Variants in AGPS observed in about 807,000 individuals in gnomAD.
AGPS encodes alkylglycerone phosphate synthase.
AGPS carries 26 observed loss-of-function variants against 90.7 expected under a neutral mutation model. The ratio of observed to expected loss-of-function variants is 0.29; its 90% confidence interval spans 0.21 to 0.40. AGPS has a LOEUF of 0.40. Among genes scored for constraint, AGPS ranks in the 10% least tolerant of loss-of-function variants. AGPS has a pLI of 1.00. For missense variants in AGPS, 540 were observed against 816.1 expected (o/e 0.66, Z 4.12); for synonymous variants, 294 against 285.3 (o/e 1.03, Z -0.31).
In AGPS at chr2:177,539,543, G is replaced by A. The variant is rs1009026875; in HGVS notation, c.*1348G>A. On this transcript the variant is annotated 3_prime_UTR_variant, in exon 20 of 20. Coordinates refer to ENST00000264167, the MANE Select transcript of AGPS (RefSeq NM_003659.4). ...TAAAACTAATATTTGATCAGATAAT[G>A]TAAGTCAAAATGCAGACGATCCTTT... The A allele has an allele frequency of 1.3e-5, 2 of 151,944 alleles. No individual in the cohort carries two copies. The highest frequency in any genetic ancestry group is 2.4e-5 in the African/African-American group (1 of 41,412). 9.4% of individuals were successfully genotyped at this position (151,944 alleles called of 1,614,324 possible).
chr2:177,417,501 A>G lies in AGPS; in HGVS notation c.261-2768A>G, dbSNP rs555457763. Among the ~76,000 whole-genome samples the G allele has an allele frequency of 2.6e-5, 4 of 152,374 alleles. No individual in the cohort carries two copies. The South Asian group carries it at 8.3e-4, about 32-fold the overall frequency. ...GTAACATGTAATAGTTTCTTGAAACAGTATTGATGTAAATCAAAAAATGAG... is the reference window on the plus strand; with the variant it reads ...GTAACATGTAATAGTTTCTTGAAACGGTATTGATGTAAATCAAAAAATGAG... On this transcript the variant is annotated intron_variant, in intron 1 of 19. Coordinates refer to ENST00000264167, the MANE Select transcript of AGPS (RefSeq NM_003659.4).
intron 14 of AGPS, among the ~76,000 whole-genome samples, chr2:177,501,500 G>A (rs986296564): frequency 6.6e-6 from 1 of 152,014 alleles, no homozygotes; most frequent in African/African-American, 2.4e-5. Flanking sequence ...CTAGATACTT[G>A]ATTTAATAAT....
chr2:177,477,343 C>A (rs564911916), intron 10 of AGPS, among the ~76,000 whole-genome samples: 1 of 152,158 alleles, frequency 6.6e-6, no homozygotes, highest in Non-Finnish European at 1.5e-5. Flanking sequence ...ATAAATGTTA[C>A]AAACCAACAA....
chr2:177,404,019 G>T lies in AGPS; in HGVS notation c.260+10970G>T, dbSNP rs1372286822. 2.0e-5 allele frequency among the ~76,000 whole-genome samples: 3 copies of T among 152,268 alleles called. No homozygotes were observed. In the East Asian group the frequency reaches 5.8e-4, roughly 29 times the overall value. On this transcript the variant is annotated intron_variant, in intron 1 of 19. Coordinates refer to ENST00000264167, the MANE Select transcript of AGPS (RefSeq NM_003659.4). ...GAATACATCATTCGCTGATCTCATT[G>T]GGCGTGGACAGAAATAAGGAACGAT...
intron 2 of AGPS, among the ~76,000 whole-genome samples, chr2:177,424,152 C>T: frequency 6.6e-6 from 1 of 152,114 alleles, no homozygotes; most frequent in East Asian, 1.9e-4. Flanking sequence ...ATGTTGTTCC[C>T]CTCCTTGTGT....
rs541250425 is a variant in AGPS at position 177,499,447 on chromosome 2, A to C, written c.1363-171A>C. 1.4e-3 allele frequency among the ~76,000 whole-genome samples: 210 copies of C among 152,058 alleles called. 1 individual carries two copies. Among genetic ancestry groups the C allele is most frequent in the African/African-American group, 4.8e-3 (200 of 41,556 alleles). ...AGCTTTGCTACGTTGTAATGACCTA[A>C]ATAGGTTTATTAAACATTCTTAGTG... On this transcript the variant is annotated intron_variant, in intron 13 of 19. Transcript: ENST00000264167.
At chr2:177,500,155 G>A (rs1688517431) in intron 14 of AGPS, among the ~76,000 whole-genome samples, 1 of 151,862 alleles carries the variant, frequency 6.6e-6, no homozygotes, top group African/African-American at 2.4e-5. Context: ...TTAATCGAAG[G>A]TATTTGATAA....
chr2:177,495,223 A>G (rs540226147), intron 12 of AGPS, among the ~76,000 whole-genome samples: 16 of 152,304 alleles, frequency 1.1e-4, no homozygotes, highest in African/African-American at 3.8e-4. Context: ...TTATCACGTA[A>G]TAGGCATTTA....
intron 1 of AGPS, among the ~76,000 whole-genome samples, chr2:177,413,087 A>G (rs1685669881): frequency 6.6e-6 from 1 of 152,206 alleles, no homozygotes; most frequent in Non-Finnish European, 1.5e-5. Flanking sequence ...CCAGAAGAGT[A>G]TGCAGTTGCA....
intron 9 of AGPS, among the ~76,000 whole-genome samples, chr2:177,468,043 A>G (rs989918012): frequency 2.0e-5 from 3 of 152,140 alleles, no homozygotes; most frequent in Non-Finnish European, 2.9e-5. Context: ...AGTGCCTGAC[A>G]TGAATAATAT....
At chr2:177,454,725 T>C (rs1687059786) in intron 8 of AGPS, among the ~76,000 whole-genome samples, 1 of 152,200 alleles carries the variant, frequency 6.6e-6, no homozygotes, top group Non-Finnish European at 1.5e-5. Flanking sequence ...GATGCACTTA[T>C]GTGGAAACAG....
chr2:177,436,733 A>G (rs1312723156), intron 3 of AGPS, 31 bp from the exon 4 acceptor site: 1 of 1,605,854 alleles, frequency 6.2e-7, no homozygotes, highest in Non-Finnish European at 8.5e-7. Flanking sequence ...TTGTCTAAAA[A>G]TAAGTCAAAG....
intron 14 of AGPS, among the ~76,000 whole-genome samples, chr2:177,502,759 T>C (rs540502331): frequency 7.9e-5 from 12 of 152,280 alleles, no homozygotes; most frequent in African/African-American, 2.4e-4. Flanking sequence ...CTTGGAAATA[T>C]CTTCTTTTGG....
intron 14 of AGPS, among the ~76,000 whole-genome samples, chr2:177,503,124 T>G (rs1688608885): frequency 6.6e-6 from 1 of 152,204 alleles, no homozygotes; most frequent in Non-Finnish European, 1.5e-5. Flanking sequence ...TTAGCCATTT[T>G]TTCTCTTTGC....
intron 10 of AGPS, among the ~76,000 whole-genome samples, chr2:177,481,399 T>G (rs2105692713): frequency 6.6e-6 from 1 of 152,028 alleles, no homozygotes; most frequent in South Asian, 2.1e-4. Flanking sequence ...TGTTTTTTTG[T>G]TTTTTAATTT....
At chr2:177,440,798 A>G (rs1315142740) in intron 5 of AGPS, among the ~76,000 whole-genome samples, 167 bp from the exon 6 acceptor site, 1 of 152,184 alleles carries the variant, frequency 6.6e-6, no homozygotes, top group African/African-American at 2.4e-5. Flanking sequence ...TTTCAAAATG[A>G]AAAGTTAAAA....
intron 1 of AGPS, among the ~76,000 whole-genome samples, chr2:177,412,786 G>A (rs923835088): frequency 2.6e-5 from 4 of 152,154 alleles, no homozygotes; most frequent in Non-Finnish European, 4.4e-5. Context: ...GCCATGTGGT[G>A]AGTGTTATAG....
chr2:177,433,245 A>G (rs1271269567), intron 2 of AGPS, among the ~76,000 whole-genome samples: 1 of 152,266 alleles, frequency 6.6e-6, no homozygotes, highest in Admixed American at 6.5e-5. Context: ...ACTGGCTTTC[A>G]AAATGGAGGA....
intron 11 of AGPS, among the ~76,000 whole-genome samples, chr2:177,490,543 C>G (rs1688222746): frequency 2.0e-5 from 3 of 152,142 alleles, no homozygotes; most frequent in Admixed American, 2.0e-4. Flanking sequence ...TTACCATCTA[C>G]TATTCCTCCT....
Sources: gnomAD v4.1 joint callset for allele counts (sites outside exome capture counted in the v4.1 genomes callset) on GRCh38, gnomAD v4.1.1 for gene constraint, MANE v1.5 for transcripts, NCBI Gene and HGNC (gene_info 2026-07-23, HGNC 2026-07-21) for gene names.